Variants in PRIM1 observed in about 807,000 individuals in gnomAD.
The protein encoded by PRIM1 is DNA primase small subunit.
Under a neutral mutation model 60.2 loss-of-function variants are expected in PRIM1, and 38 were observed. The observed-to-expected ratio is 0.63, with a 90% CI of 0.49 to 0.83. The LOEUF (loss-of-function observed/expected upper bound fraction) is 0.83. PRIM1 is among the 40% of genes least tolerant of loss of function. The probability of loss-of-function intolerance (pLI) is 0.00; values close to 1 mark genes in which losing one functional copy is unlikely to be tolerated. For synonymous variants in PRIM1, 158 were observed against 160.2 expected (o/e 0.99, Z 0.10); for missense variants, 388 against 506.2 (o/e 0.77, Z 2.24).
intron 11 of PRIM1, among the ~76,000 whole-genome samples, chr12:56,736,124 CCT>C (rs1167021884): frequency 6.7e-6 from 1 of 149,640 alleles, no homozygotes; most frequent in African/African-American, 2.5e-5. Flanking sequence ...ATGGAGAAAC[CCT>C]GTCTCTAGTA....
At position 56,746,923 on chromosome 12, in the gene PRIM1, C is replaced by T; in HGVS notation, c.368+3G>A. The T allele has an allele frequency of 6.2e-7, 1 of 1,613,334 alleles. No individual in the cohort carries two copies. The highest frequency in any genetic ancestry group is 8.5e-7 in the Non-Finnish European group (1 of 1,179,328). ...CCCTAACAGCAAGACACACAGTGCT[C>T]ACCTACAACATCTCCTCACATCGTC... On this transcript the variant is annotated splice_donor_region_variant and intron_variant, in intron 3 of 12. Coordinates refer to ENST00000338193, the MANE Select transcript of PRIM1 (RefSeq NM_000946.3).
chr12:56,741,338 C>T, intron 9 of PRIM1, 97 bp downstream of exon 9: 1 of 1,273,326 alleles, frequency 7.9e-7, no homozygotes, highest in East Asian at 2.6e-5. Context: ...ACCTTTAAAT[C>T]ATAGACATTA....
intron 2 of PRIM1, among the ~76,000 whole-genome samples, chr12:56,749,854 G>A (rs1260756212): frequency 6.6e-6 from 1 of 152,178 alleles, no homozygotes; most frequent in Non-Finnish European, 1.5e-5. Flanking sequence ...GTATATATTT[G>A]AGAAGGGGAA....
chr12:56,733,672 C>T (rs1306482713), intron 12 of PRIM1, among the ~76,000 whole-genome samples: 1 of 151,710 alleles, frequency 6.6e-6, no homozygotes, highest in Non-Finnish European at 1.5e-5. Flanking sequence ...TCACTGCAAC[C>T]TCTGCCTCCC....
At chr12:56,733,331 G>A (rs1953797999) in intron 12 of PRIM1, among the ~76,000 whole-genome samples, 1 of 151,582 alleles carries the variant, frequency 6.6e-6, no homozygotes, top group African/African-American at 2.4e-5. Flanking sequence ...CTAATTTTTT[G>A]TATTTTTAGT....
At position 56,743,116 on chromosome 12, in the gene PRIM1, A is replaced by T; in HGVS notation, c.639-20T>A. ...GATTTTCTGTAAGAACAACAATAAC[A>T]ACAGAGTCCCAACACTATCAGTAAC... On this transcript the variant is annotated intron_variant, in intron 6 of 12. Transcript: ENST00000338193. The T allele has an allele frequency of 6.6e-7, 1 of 1,511,348 alleles. No individual in the cohort carries two copies. Among genetic ancestry groups the T allele is most frequent in the Middle Eastern group, 1.7e-4 (1 of 5,874 alleles). The allele number at this position is 1,511,348 out of a possible 1,614,324, so 93.6% of individuals were successfully genotyped here.
chr12:56,739,023 G>A (rs1363246987), intron 10 of PRIM1, among the ~76,000 whole-genome samples: 2 of 152,172 alleles, frequency 1.3e-5, no homozygotes, highest in African/African-American at 4.8e-5. Flanking sequence ...ATGAAAGACT[G>A]TGAAATACTG....
chr12:56,746,295 C>A (rs1592335040), intron 4 of PRIM1, 114 bp from the exon 5 acceptor site: 1 of 1,236,774 alleles, frequency 8.1e-7, no homozygotes, highest in African/African-American at 1.5e-5. Context: ...CATCTCTTTA[C>A]CCATCCTGGT....
At position 56,746,638 on chromosome 12, in the gene PRIM1, A is replaced by G; in HGVS notation, c.442+143T>C. On this transcript the variant is annotated intron_variant, in intron 4 of 12. Coordinates refer to ENST00000338193, the MANE Select transcript of PRIM1 (RefSeq NM_000946.3). ...AGAGTGAGACTCGTCACACACACAC[A>G]CACACACACACACACACACACACAC... The G allele has an allele frequency of 6.6e-6, 4 of 601,906 alleles. No individual in the cohort carries two copies. The South Asian group carries it at 7.6e-5, about 11-fold the overall frequency. 37.3% of individuals were successfully genotyped at this position (601,906 alleles called of 1,614,324 possible).
intron 12 of PRIM1, among the ~76,000 whole-genome samples, chr12:56,733,900 C>A (rs1370214650): frequency 6.6e-6 from 1 of 152,118 alleles, no homozygotes; most frequent in Non-Finnish European, 1.5e-5. Flanking sequence ...CAAGTTAGTA[C>A]TTCTTAAGGG....
At chr12:56,738,393 A>G (rs1441774663) in intron 11 of PRIM1, 41 bp downstream of exon 11, 2 of 1,489,688 alleles carry the variant, frequency 1.3e-6, no homozygotes, top group African/African-American at 3.3e-5. Context: ...ATCTATATAA[A>G]AACCCTGTAT....
rs373842486 is a variant in PRIM1 at position 56,746,805 on chromosome 12, G to A, written c.418C>T (p.Arg140Cys). ...KCWTLMTMAI[R>C]IIDRALKEDF... ...CCCTTCAATGCTCTGTCAATGATGC[G>A]TATGGCCATTGTCATGAGGGTCCAG... The change falls in exon 4 of 13, where the codon CGC (arginine) becomes TGC (cysteine). Residue 140 changes from arginine to cysteine, a missense_variant. Coordinates refer to ENST00000338193, the MANE Select transcript of PRIM1 (RefSeq NM_000946.3). The A allele has an allele frequency of 3.2e-5, 52 of 1,613,716 alleles. No individual in the cohort carries two copies. Among genetic ancestry groups the A allele is most frequent in the East Asian group, 4.5e-5 (2 of 44,900 alleles).
intron 12 of PRIM1, among the ~76,000 whole-genome samples, chr12:56,732,921 CT>C (rs1425057797): frequency 6.9e-6 from 1 of 145,646 alleles, no homozygotes; most frequent in Non-Finnish European, 1.5e-5. Flanking sequence ...ATGGTGCGAT[CT>C]TGGCTCACTG....
intron 2 of PRIM1, 106 bp from the exon 3 acceptor site, chr12:56,747,138 T>G (rs1298601150): frequency 1.2e-6 from 1 of 810,406 alleles, no homozygotes; most frequent in Non-Finnish European, 2.0e-6. Context: ...ATAAAGAGAC[T>G]ATATAATGCC....
chr12:56,748,008 A>G (rs200694469), intron 2 of PRIM1, among the ~76,000 whole-genome samples: 239 of 148,756 alleles, frequency 1.6e-3, no homozygotes, highest in African/African-American at 5.7e-3. Flanking sequence ...TGACTGAAGG[A>G]AAAAAAAAAG....
chr12:56,744,489 A>G (rs758535165), intron 5 of PRIM1, among the ~76,000 whole-genome samples: 8 of 151,854 alleles, frequency 5.3e-5, no homozygotes, highest in Non-Finnish European at 1.0e-4. Flanking sequence ...GCGAGACTCC[A>G]TCTCAAAAAA....
At chr12:56,743,187 C>A in intron 6 of PRIM1, 91 bp from the exon 7 acceptor site, 3 of 1,347,918 alleles carry the variant, frequency 2.2e-6, no homozygotes, top group Non-Finnish European at 2.9e-6. Context: ...AAAACTACTG[C>A]TTATTTTCAT....
Position 56,744,089 on chromosome 12 carries a change from C to G in PRIM1, c.614G>C (p.Ser205Thr). Residue 205 changes from serine to threonine, a missense_variant, in exon 6 of 13, where the codon AGT becomes ACT. Around this residue, in one of 3 missense-constraint regions of PRIM1, gnomAD observed 211 missense variants for 277.9 expected, o/e 0.76. Transcript: ENST00000338193. Reference protein sequence around the residue: ...GQDVKKKVHLSEKIHPFIRKS... With the variant: ...GQDVKKKVHLTEKIHPFIRKS... ...CCTGATAAAAGGGTGAATTTTTTCACTTAGGTGAACTTTCTTTTTAACGTC... is the reference window on the plus strand; with the variant it reads ...CCTGATAAAAGGGTGAATTTTTTCAGTTAGGTGAACTTTCTTTTTAACGTC... The G allele has an allele frequency of 5.7e-6, 9 of 1,571,612 alleles. No homozygotes were observed. Among genetic ancestry groups the G allele is most frequent in the Non-Finnish European group, 7.8e-6 (9 of 1,156,504 alleles).
intron 7 of PRIM1, among the ~76,000 whole-genome samples, chr12:56,742,341 T>C (rs556829931): frequency 2.6e-5 from 4 of 151,890 alleles, no homozygotes; most frequent in Non-Finnish European, 5.9e-5. Context: ...CCCAATATTT[T>C]GGGAGGCTGA....
Sources: gnomAD v4.1 joint callset for allele counts (sites outside exome capture counted in the v4.1 genomes callset) on GRCh38, gnomAD v4.1.1 for gene constraint, gnomAD v4.1.1 regional missense constraint, MANE v1.5 for transcripts, NCBI Gene and HGNC (gene_info 2026-07-23, HGNC 2026-07-21) for gene names.